NHSL1: variants seen among roughly 807,000 people sequenced by gnomAD.
The protein encoded by NHSL1 is NHS like 1, also known as NHS-like protein 1.
A neutral mutation model predicts 95.0 loss-of-function variants in NHSL1; 48 were observed. The observed-to-expected ratio is 0.51, with a 90% CI of 0.40 to 0.64. The LOEUF (loss-of-function observed/expected upper bound fraction) is 0.64. NHSL1 is among the 30% of genes least tolerant of loss of function. NHSL1 has a pLI of 0.00. For synonymous variants in NHSL1, 783 were observed against 833.9 expected, an observed-to-expected ratio of 0.94 and a Z score of 1.05; for missense variants, 1,971 against 2,077.7, an observed-to-expected ratio of 0.95 and a Z score of 1.00.
In NHSL1 at chr6:138,555,121, G is replaced by A. The variant is rs79883542; in HGVS notation, c.202+16589C>T. Among the ~76,000 whole-genome samples, 1,382 of 152,260 alleles carry A rather than the reference G, an allele frequency of 9.1e-3. 22 individuals carry two copies. The highest frequency in any genetic ancestry group is 0.032 in the African/African-American group (1,321 of 41,540). Reference sequence around the variant, plus strand: ...CAGAGTTACAAGATCCACAGAGCACGGTGCGGCCCACAAAAACAGCTCTTC... The same window carrying A: ...CAGAGTTACAAGATCCACAGAGCACAGTGCGGCCCACAAAAACAGCTCTTC... On this transcript the variant is annotated intron_variant, in intron 1 of 6. Coordinates refer to the NHSL1 transcript ENST00000427025.
At chr6:138,507,914 A>G (rs893618998) in intron 1 of NHSL1, among the ~76,000 whole-genome samples, 1 of 152,212 alleles carries the variant, frequency 6.6e-6, no homozygotes, top group African/African-American at 2.4e-5. Context: ...ATAATGTATC[A>G]ATTCTTTAGA....
rs1233239885 is a variant in NHSL1, at chr6:138,585,445, G to A, written c.97-89074C>T. Reference sequence around the variant, plus strand: ...GAGGCAAGGAATGGTTCAAAGAAGAGTGTGAAATTCCGACAAGTTAAAGGA... The same window carrying A: ...GAGGCAAGGAATGGTTCAAAGAAGAATGTGAAATTCCGACAAGTTAAAGGA... On this transcript the variant is annotated intron_variant, in intron 1 of 3. Coordinates refer to the NHSL1 transcript ENST00000491526. Among the ~76,000 whole-genome samples, 6 of 152,188 alleles carry A rather than the reference G, an allele frequency of 3.9e-5. No individual in the cohort carries two copies. The South Asian group carries it at 6.2e-4, about 16-fold the overall frequency.
intron 1 of NHSL1, among the ~76,000 whole-genome samples, chr6:138,690,287 G>A (rs1209806478): frequency 6.6e-6 from 1 of 152,300 alleles, no homozygotes; most frequent in East Asian, 1.9e-4. Context: ...GTAATGCATA[G>A]GCATTTCACT....
Position 138,442,099 on chromosome 6 carries a change from C to T in NHSL1, c.548G>A (p.Arg183His), listed in dbSNP as rs191116854. The T allele has an allele frequency of 2.5e-4, 383 of 1,549,344 alleles. 5 individuals carry two copies. In the East Asian group the frequency reaches 4.3e-3, roughly 18 times the overall value. The part of the protein sequence containing the change: ...PINITGENFD[R>H]QASLRRSLIY... Reference sequence around the variant, plus strand: ...TAGAGACCGCCGAAGGCTGGCCTGGCGATCGAAATTCTCCCCTAATGTAGA... The same window carrying T: ...TAGAGACCGCCGAAGGCTGGCCTGGTGATCGAAATTCTCCCCTAATGTAGA... Residue 183 changes from arginine (R) to histidine (H), a missense_variant, in exon 5 of 8, where the codon CGC becomes CAC. Physicochemically the swap from Arg to His is conservative, Grantham distance 29. Around this residue, in one of 3 missense-constraint regions of NHSL1, gnomAD observed 1,602 missense variants for 1,654.5 expected, o/e 0.97. Coordinates refer to ENST00000343505, the MANE Select transcript of NHSL1 (RefSeq NM_001144060.2).
At position 138,621,366 on chromosome 6, in the gene NHSL1, C is replaced by T. The variant is rs551599094; in HGVS notation, c.96+71110G>A. Among the ~76,000 whole-genome samples, 4 of 152,278 alleles carry T rather than the reference C, an allele frequency of 2.6e-5. No individual in the cohort carries two copies. The South Asian group carries it at 8.3e-4, about 32-fold the overall frequency. ...ACACTGAAAGAACAGTGGAGAACAA[C>T]ACAAAGATCTCCATTATATCTGGTC... On this transcript the variant is annotated intron_variant, in intron 1 of 3. Coordinates refer to the NHSL1 transcript ENST00000491526.
chr6:138,538,645 C>T (rs997692022), intron 1 of NHSL1, among the ~76,000 whole-genome samples: 1 of 152,150 alleles, frequency 6.6e-6, no homozygotes, highest in African/African-American at 2.4e-5. Context: ...CAACAATGAA[C>T]CTTGCACAGT....
At chr6:138,488,545 G>A (rs1301574186) in intron 2 of NHSL1, among the ~76,000 whole-genome samples, 5 of 152,220 alleles carry the variant, frequency 3.3e-5, no homozygotes, top group Admixed American at 2.0e-4. Flanking sequence ...ATGAAAGAAT[G>A]GTTATAGATA....
At chr6:138,458,666 A>C (rs940610475) in intron 3 of NHSL1, among the ~76,000 whole-genome samples, 5 of 152,106 alleles carry the variant, frequency 3.3e-5, no homozygotes, top group African/African-American at 1.2e-4. Flanking sequence ...TCTCTACTAC[A>C]AATACAAAAA....
chr6:138,442,792 T>A (rs1776612471), intron 4 of NHSL1, among the ~76,000 whole-genome samples: 1 of 152,218 alleles, frequency 6.6e-6, no homozygotes, highest in Admixed American at 6.5e-5. Flanking sequence ...AATTCAGACA[T>A]TTCAAGTGAT....
Position 138,431,925 on chromosome 6 carries a change from G to A in NHSL1, c.2420C>T (p.Pro807Leu), listed in dbSNP as rs777162370. 1.3e-6 allele frequency: 2 copies of A among 1,551,708 alleles called. No individual in the cohort carries two copies. Among genetic ancestry groups the A allele is most frequent in the South Asian group, 1.2e-5 (1 of 84,064 alleles). ...AGGCSTSSGV[P>L]TGNGPVRHVQ... Reference sequence around the variant, plus strand: ...ATGGCGGACTGGCCCGTTCCCAGTGGGCACCCCACTGCTGGTTGAACAGCC... The same window carrying A: ...ATGGCGGACTGGCCCGTTCCCAGTGAGCACCCCACTGCTGGTTGAACAGCC... The change falls in exon 6 of 8, where the codon CCC becomes CTC. Residue 807 changes from proline to leucine, a missense_variant. By Grantham distance (98) the Pro-to-Leu change is moderately conservative. Around this residue, in one of 3 missense-constraint regions of NHSL1, gnomAD observed 1,602 missense variants for 1,654.5 expected, o/e 0.97. Transcript: ENST00000343505. The surrounding 1 kb of genome is among the most constrained non-coding windows in gnomAD (Gnocchi z 4.0).
chr6:138,559,030 C>T (rs963252780), intron 1 of NHSL1, among the ~76,000 whole-genome samples: 5 of 151,008 alleles, frequency 3.3e-5, no homozygotes, highest in Non-Finnish European at 7.4e-5. Flanking sequence ...GCCTGGACGA[C>T]AGAGGGAGAC....
intron 1 of NHSL1, among the ~76,000 whole-genome samples, chr6:138,591,146 T>G (rs1441514362): frequency 6.6e-6 from 1 of 152,196 alleles, no homozygotes; most frequent in Admixed American, 6.5e-5. Context: ...CTTGAGAATG[T>G]GCAGGATATA....
At chr6:138,676,650 G>C (rs1301989046) in intron 1 of NHSL1, among the ~76,000 whole-genome samples, 1 of 151,828 alleles carries the variant, frequency 6.6e-6, no homozygotes, top group African/African-American at 2.4e-5. Context: ...TCCACTTTTT[G>C]TTTGTTTGTT....
At chr6:138,603,295 C>T (rs1012499272) in intron 1 of NHSL1, among the ~76,000 whole-genome samples, 10 of 151,962 alleles carry the variant, frequency 6.6e-5, no homozygotes, top group African/African-American at 2.4e-4. Context: ...AGCGATCCAC[C>T]CATCTCAGTC....
intron 4 of NHSL1, among the ~76,000 whole-genome samples, chr6:138,443,032 T>C (rs1015515382): frequency 4.0e-5 from 6 of 150,380 alleles, no homozygotes; most frequent in African/African-American, 1.2e-4. Flanking sequence ...CATATATATA[T>C]ACACATATAT....
intron 1 of NHSL1, among the ~76,000 whole-genome samples, chr6:138,633,161 A>C (rs1784842418): frequency 6.6e-6 from 1 of 152,166 alleles, no homozygotes; most frequent in South Asian, 2.1e-4. Flanking sequence ...AGAGGAGACA[A>C]AAGAATAAAG....
intron 1 of NHSL1, among the ~76,000 whole-genome samples, chr6:138,514,498 T>C (rs1243383988): frequency 6.6e-6 from 1 of 152,198 alleles, no homozygotes; most frequent in Non-Finnish European, 1.5e-5. Context: ...ATATCCACGA[T>C]AAAGTTTCAT....
At position 138,504,639 on chromosome 6, in the gene NHSL1, G is replaced by A. The variant is rs184492480; in HGVS notation, c.17-8268C>T. ...GGCCCGCAGGGTCTTGCTTGCCACC[G>A]TGGGTGAGTGGTAGGTGGTGGCAAG... On this transcript the variant is annotated intron_variant, in intron 1 of 4. Coordinates refer to the NHSL1 transcript ENST00000342260. 1.9e-3 allele frequency among the ~76,000 whole-genome samples: 297 copies of A among 152,324 alleles called. 1 individual carries two copies. The highest frequency in any genetic ancestry group is 4.8e-3 in the South Asian group (23 of 4,826).
chr6:138,604,867 C>T (rs963174954), intron 1 of NHSL1, among the ~76,000 whole-genome samples: 3 of 152,098 alleles, frequency 2.0e-5, no homozygotes, highest in Admixed American at 2.0e-4. Context: ...CTCAAGTGAT[C>T]CGCCCGCCTC....
Sources: allele counts gnomAD v4.1 joint callset (sites outside exome capture counted in the v4.1 genomes callset), GRCh38; gene constraint gnomAD v4.1.1; regional missense constraint gnomAD v4.1.1; non-coding constraint Gnocchi (gnomAD v3.1); transcripts MANE v1.5; gene names NCBI Gene and HGNC (gene_info 2026-07-23, HGNC 2026-07-21).